Variants in SHISA6 observed in about 807,000 individuals in gnomAD.
SHISA6 encodes the protein shisa family member 6.
Under a neutral mutation model 47.9 loss-of-function variants are expected in SHISA6, and 22 were observed. The ratio of observed to expected loss-of-function variants is 0.46; its 90% CI spans 0.33 to 0.66. The LOEUF (loss-of-function observed/expected upper bound fraction) is 0.66, where lower values mean the gene tolerates loss of function less well. Ranked by LOEUF, SHISA6 falls within the 30% of genes least tolerant of loss-of-function variation. The probability of loss-of-function intolerance (pLI) is 0.02; values close to 1 mark genes in which losing one functional copy is unlikely to be tolerated. For synonymous variants in SHISA6, 388 were observed against 337.8 expected, an observed-to-expected ratio of 1.15 and a Z score of -1.63; for missense variants, 680 against 764.6, an observed-to-expected ratio of 0.89 and a Z score of 1.30.
chr17:11,249,282 C>T (rs899290523), intron 1 of SHISA6, among the ~76,000 whole-genome samples: 2 of 151,450 alleles, frequency 1.3e-5, no homozygotes, highest in Admixed American at 6.6e-5. Context: ...CATCCAGTGG[C>T]CGTGTGTGTG....
intron 3 of SHISA6, among the ~76,000 whole-genome samples, chr17:11,501,165 T>C (rs973921222): frequency 6.6e-5 from 10 of 151,038 alleles, no homozygotes; most frequent in African/African-American, 2.2e-4. Context: ...GAGGCTGGAG[T>C]GCAATGGCAC....
chr17:11,390,707 G>C (rs1353517795), intron 3 of SHISA6, among the ~76,000 whole-genome samples: 1 of 152,140 alleles, frequency 6.6e-6, no homozygotes, highest in Non-Finnish European at 1.5e-5. Flanking sequence ...TTGGAAGCCA[G>C]GTTGTCCCAT....
At chr17:11,350,576 C>T (rs566527668) in intron 2 of SHISA6, among the ~76,000 whole-genome samples, 2 of 152,222 alleles carry the variant, frequency 1.3e-5, no homozygotes, top group South Asian at 2.1e-4. Flanking sequence ...CTTCTCTTTA[C>T]ATCTCAGTTC....
At chr17:11,293,266 T>C (rs923727322) in intron 2 of SHISA6, among the ~76,000 whole-genome samples, 2 of 152,188 alleles carry the variant, frequency 1.3e-5, no homozygotes, top group African/African-American at 2.4e-5. Context: ...TGATAGTGGC[T>C]TAGACAGGGT....
chr17:11,535,720 A>G (rs189209278), intron 3 of SHISA6, among the ~76,000 whole-genome samples: 1 of 152,296 alleles, frequency 6.6e-6, no homozygotes, highest in East Asian at 1.9e-4. Flanking sequence ...TGTGAATTTG[A>G]ATTCAGGTTC....
chr17:11,536,660 A>C (rs2071790845), intron 3 of SHISA6, among the ~76,000 whole-genome samples: 1 of 152,152 alleles, frequency 6.6e-6, no homozygotes, highest in African/African-American at 2.4e-5. Context: ...GCCCACCTGC[A>C]GGCCCGCTTG....
rs561015132 is a variant in SHISA6 at position 11,427,287 on chromosome 17, C to T, written c.895+47778C>T. ...TAGCTGCAACTACAGGCACCCACCA[C>T]ACCACCTGTCTAATTTTTTGAATTT... On this transcript the variant is annotated intron_variant, in intron 3 of 5. Coordinates refer to ENST00000441885, the MANE Select transcript of SHISA6 (RefSeq NM_207386.4). Among the ~76,000 whole-genome samples, 3 of 152,268 alleles carry T rather than the reference C, an allele frequency of 2.0e-5. No individual in the cohort carries two copies. In the South Asian group the frequency reaches 6.2e-4, roughly 32 times the overall value.
chr17:11,525,083 A>G (rs1295533041), intron 3 of SHISA6, among the ~76,000 whole-genome samples: 1 of 152,194 alleles, frequency 6.6e-6, no homozygotes, highest in Non-Finnish European at 1.5e-5. Flanking sequence ...GAATTCAAAG[A>G]GCCTTTCAAA....
chr17:11,378,365 T>C (rs979525791), intron 2 of SHISA6, among the ~76,000 whole-genome samples: 1 of 152,188 alleles, frequency 6.6e-6, no homozygotes, highest in African/African-American at 2.4e-5. Context: ...ATGCACGCAC[T>C]GGTTTGAATT....
At chr17:11,543,045 G>A (rs1262400271) in intron 3 of SHISA6, among the ~76,000 whole-genome samples, 3 of 152,098 alleles carry the variant, frequency 2.0e-5, no homozygotes, top group Admixed American at 6.6e-5. Context: ...AGAAGAAACA[G>A]TTCCACTGGT....
At chr17:11,370,669 A>G (rs1362774795) in intron 2 of SHISA6, among the ~76,000 whole-genome samples, 7 of 152,220 alleles carry the variant, frequency 4.6e-5, no homozygotes, top group Non-Finnish European at 1.0e-4. Flanking sequence ...GCTTTCTCTT[A>G]GGGCAGATGA....
At chr17:11,260,588 T>TA (rs1459783205) in intron 1 of SHISA6, among the ~76,000 whole-genome samples, 1 of 151,996 alleles carries the variant, frequency 6.6e-6, no homozygotes, top group Non-Finnish European at 1.5e-5. Context: ...CTCTGTGGCT[T>TA]ACTCTCCCTC....
chr17:11,315,354 G>T (rs1408875181), intron 2 of SHISA6, among the ~76,000 whole-genome samples: 1 of 152,052 alleles, frequency 6.6e-6, no homozygotes, highest in African/African-American at 2.4e-5. Context: ...CTTGGATTTT[G>T]TAAGTAAACT....
At chr17:11,376,905 C>T (rs990480841) in intron 2 of SHISA6, among the ~76,000 whole-genome samples, 1 of 152,210 alleles carries the variant, frequency 6.6e-6, no homozygotes, top group Admixed American at 6.5e-5. Flanking sequence ...CGATCTGTGC[C>T]ATCCAAGAGA....
chr17:11,533,885 C>T (rs1159259978), intron 3 of SHISA6, among the ~76,000 whole-genome samples: 1 of 152,070 alleles, frequency 6.6e-6, no homozygotes, highest in Non-Finnish European at 1.5e-5. Context: ...GCCACCGCGC[C>T]CAGCCTCATT....
intron 2 of SHISA6, among the ~76,000 whole-genome samples, chr17:11,312,342 T>G (rs189229076): frequency 6.6e-6 from 1 of 152,314 alleles, no homozygotes. Flanking sequence ...ATAACAACCC[T>G]TTTCACATTT....
intron 3 of SHISA6, among the ~76,000 whole-genome samples, chr17:11,497,304 A>G (rs1365925585): frequency 6.6e-6 from 1 of 152,200 alleles, no homozygotes; most frequent in Non-Finnish European, 1.5e-5. Context: ...CGTGATTTTC[A>G]TCAAACCTGG....
intron 3 of SHISA6, among the ~76,000 whole-genome samples, chr17:11,412,108 T>C (rs1914138870): frequency 6.6e-6 from 1 of 152,206 alleles, no homozygotes; most frequent in South Asian, 2.1e-4. Flanking sequence ...AGATGAGCTT[T>C]GAAGATCTTG....
intron 1 of SHISA6, among the ~76,000 whole-genome samples, chr17:11,260,717 T>C (rs1317452261): frequency 1.3e-5 from 2 of 151,984 alleles, no homozygotes; most frequent in Non-Finnish European, 2.9e-5. Context: ...CTCTCTTGCT[T>C]GGGGTTTCAG....
Sources: allele counts gnomAD v4.1 joint callset (sites outside exome capture counted in the v4.1 genomes callset), GRCh38; gene constraint gnomAD v4.1.1; transcripts MANE v1.5; gene names NCBI Gene and HGNC (gene_info 2026-07-23, HGNC 2026-07-21).